Variants in ZNF233 observed in about 807,000 individuals in gnomAD.
ZNF233 encodes the protein zinc finger protein 233.
A neutral mutation model predicts 11.6 loss-of-function variants in ZNF233; 7 were observed. The observed-to-expected ratio is 0.60, with a 90% CI of 0.34 to 1.13. The LOEUF is 1.13. Among genes scored for constraint, ZNF233 ranks in the 50% most tolerant of loss-of-function variants. ZNF233 has a pLI of 0.03. For missense variants in ZNF233, 711 were observed against 785.5 expected (o/e 0.91, Z 1.13); for synonymous variants, 226 against 268.5 (o/e 0.84, Z 1.55).
At chr19:44,268,414 A>G (rs1975151519) in intron 4 of ZNF233, among the ~76,000 whole-genome samples, 1 of 152,088 alleles carries the variant, frequency 6.6e-6, no homozygotes, top group South Asian at 2.1e-4. Flanking sequence ...CAGTGATACA[A>G]TCATAGCTTG....
At chr19:44,261,614 A>G (rs963617148) in intron 1 of ZNF233, among the ~76,000 whole-genome samples, 6 of 151,004 alleles carry the variant, frequency 4.0e-5, no homozygotes, top group African/African-American at 1.5e-4. Context: ...CATTATCCAC[A>G]GTCTATGGAT....
chr19:44,272,779 G>T, intron 4 of ZNF233, 120 bp from the exon 5 acceptor site: 1 of 694,076 alleles, frequency 1.4e-6, no homozygotes, highest in East Asian at 2.7e-5. Flanking sequence ...AAGTCAAGCT[G>T]AACTCTCCAC....
chr19:44,264,357 GAA>G lies in ZNF233; in HGVS notation c.-1_1del. On this transcript the variant is annotated 5_prime_UTR_variant, in exon 2 of 5. Transcript: ENST00000683810. ...CTGCCCTTCCCCAGAAGGAGCAGGA[GAA>G]AATGACCAAGTTTCAGGTGAGTTGA... 6.2e-7 allele frequency: 1 copy of G among 1,613,484 alleles called. No individual in the cohort carries two copies. Among genetic ancestry groups the G allele is most frequent in the Non-Finnish European group, 8.5e-7 (1 of 1,179,810 alleles).
At chr19:44,268,715 A>G (rs577373239) in intron 4 of ZNF233, among the ~76,000 whole-genome samples, 3 of 152,254 alleles carry the variant, frequency 2.0e-5, no homozygotes, top group South Asian at 2.1e-4. Flanking sequence ...ACTTTTGGTG[A>G]GAGTTGCCTC....
Position 44,274,026 on chromosome 19 carries a change from G to C in ZNF233, c.1366G>C (p.Val456Leu). The part of the protein sequence containing the change: ...HTGEKPYKCE[V>L]CDKGFSKASN... ...TGGAGAGAAACCATATAAATGTGAG[G>C]TATGTGATAAGGGCTTCAGTAAGGC... Residue 456 changes from valine (V) to leucine (L), a missense_variant, in exon 5 of 5, where the codon GTA becomes CTA. By Grantham distance (32) the Val-to-Leu change is conservative (BLOSUM62 1). Coordinates refer to ENST00000683810, the MANE Select transcript of ZNF233 (RefSeq NM_001207005.2). 1 of 1,597,788 alleles carries C rather than the reference G, an allele frequency of 6.3e-7. No homozygotes were observed. The highest frequency in any genetic ancestry group is 1.6e-5 in the African/African-American group (1 of 61,208).
intron 4 of ZNF233, among the ~76,000 whole-genome samples, chr19:44,272,623 T>C (rs1975266960): frequency 6.6e-6 from 1 of 151,690 alleles, no homozygotes; most frequent in East Asian, 1.9e-4. Flanking sequence ...TAGTCCCAGC[T>C]ACTCGGGAGG....
chr19:44,274,029 T>C lies in ZNF233; in HGVS notation c.1369T>C (p.Cys457Arg). 6.3e-7 allele frequency: 1 copy of C among 1,597,798 alleles called. No homozygotes were observed. Among genetic ancestry groups the C allele is most frequent in the South Asian group, 1.1e-5 (1 of 91,044 alleles). The change falls in exon 5 of 5, where the codon TGT becomes CGT. Residue 457 changes from cysteine to arginine, a missense_variant. Coordinates refer to ENST00000683810, the MANE Select transcript of ZNF233 (RefSeq NM_001207005.2). The part of the protein sequence containing the change: ...TGEKPYKCEV[C>R]DKGFSKASNL... ...AGAGAAACCATATAAATGTGAGGTA[T>C]GTGATAAGGGCTTCAGTAAGGCCTC... is the stretch of plus-strand genomic sequence containing the variant.
Position 44,273,631 on chromosome 19 carries a change from G to C in ZNF233, c.971G>C (p.Ser324Thr), listed in dbSNP as rs146582374. 6.2e-7 allele frequency: 1 copy of C among 1,614,158 alleles called. No homozygotes were observed. The highest frequency in any genetic ancestry group is 1.3e-5 in the African/African-American group (1 of 75,056). Reference protein sequence around the residue: ...YRNGDSGEGFSQGSHLQPHQR... With the variant: ...YRNGDSGEGFTQGSHLQPHQR... ...AATGGTGACAGTGGTGAGGGCTTCA[G>C]TCAGGGCTCACATCTGCAACCTCAT... Residue 324 changes from serine (S) to threonine (T), a missense_variant, in exon 5 of 5, where the codon AGT (serine) becomes ACT (threonine). By Grantham distance (58) the Ser-to-Thr change is moderately conservative. Transcript: ENST00000683810.
At chr19:44,272,044 G>A (rs1296904850) in intron 4 of ZNF233, among the ~76,000 whole-genome samples, 5 of 150,898 alleles carry the variant, frequency 3.3e-5, no homozygotes, top group Non-Finnish European at 7.4e-5. Flanking sequence ...GGCCAACATG[G>A]TGAAACCCTG....
chr19:44,264,490 C>T lies in ZNF233; in HGVS notation c.15+115C>T. The T allele has an allele frequency of 3.3e-6, 3 of 904,918 alleles. No individual in the cohort carries two copies. In the South Asian group the frequency reaches 5.5e-5, roughly 17 times the overall value. The allele number at this position is 904,918 out of a possible 1,614,324, so 56.1% of individuals were successfully genotyped here. The stretch of plus-strand genomic sequence containing the variant: ...AAGGAGGAAAACAGGTATTTGGAAT[C>T]TGCTAGTTACTTGATTTTCGATTGG... On this transcript the variant is annotated intron_variant, in intron 2 of 4. Transcript: ENST00000683810.
intron 2 of ZNF233, among the ~76,000 whole-genome samples, chr19:44,265,577 T>A (rs1975059985): frequency 1.3e-5 from 2 of 152,070 alleles, no homozygotes; most frequent in Admixed American, 1.3e-4. Context: ...CCTGCCAACA[T>A]ACCCAGCTAA....
chr19:44,265,362 TATATACACACAC>T (rs1322493360), intron 2 of ZNF233, among the ~76,000 whole-genome samples: 312 of 87,644 alleles, frequency 3.6e-3, no homozygotes, highest in Non-Finnish European at 5.9e-3. Flanking sequence ...CCATCATATA[TATATACACACAC>T]ACACACACAC....
intron 1 of ZNF233, among the ~76,000 whole-genome samples, chr19:44,263,238 G>T (rs779051288): frequency 1.3e-5 from 2 of 152,056 alleles, no homozygotes; most frequent in African/African-American, 4.8e-5. Flanking sequence ...CACAATGTTA[G>T]GTTGTACAAC....
In ZNF233 at chr19:44,275,211, A is replaced by C. The variant is rs1168887131; in HGVS notation, c.*538A>C. On this transcript the variant is annotated 3_prime_UTR_variant, in exon 5 of 5. Transcript: ENST00000683810. ...GGACATATATTTGAATATTTTAGTG[A>C]GCTCAGCCCCAATTCGTCATTATAA... The C allele has an allele frequency of 3.8e-5, 12 of 317,070 alleles. No homozygotes were observed. Among genetic ancestry groups the C allele is most frequent in the Non-Finnish European group, 6.2e-5 (11 of 176,386 alleles). 19.6% of individuals were successfully genotyped at this position (317,070 alleles called of 1,614,324 possible). A position where few individuals can be genotyped will look rare whatever the true frequency, so the allele number is the denominator to read the frequency against.
chr19:44,273,712 C>G lies in ZNF233; in HGVS notation c.1052C>G (p.Ser351Cys). Reference sequence around the variant, plus strand: ...AGATGTCAGGTATATGCCCGGAGCTCCAACCAGAACTCCTGTCTTCCCTCT... The same window carrying G: ...AGATGTCAGGTATATGCCCGGAGCTGCAACCAGAACTCCTGTCTTCCCTCT... ...LYRCQVYARS[S>C]NQNSCLPSHE... is the part of the protein sequence containing the mutation. The change falls in exon 5 of 5, where the codon TCC becomes TGC. Residue 351 changes from serine to cysteine, a missense_variant. By Grantham distance (112) the Ser-to-Cys change is moderately radical. Transcript: ENST00000683810. 6.2e-7 allele frequency: 1 copy of G among 1,614,060 alleles called. No homozygotes were observed. Among genetic ancestry groups the G allele is most frequent in the Non-Finnish European group, 8.5e-7 (1 of 1,180,016 alleles).
chr19:44,272,741 C>CA (rs968406086), intron 4 of ZNF233, among the ~76,000 whole-genome samples, 158 bp from the exon 5 acceptor site: 3 of 150,966 alleles, frequency 2.0e-5, no homozygotes, highest in Non-Finnish European at 4.4e-5. Flanking sequence ...TCTCAAAAAA[C>CA]AAAAAAAGAG....
Position 44,274,782 on chromosome 19 carries a change from C to A in ZNF233, c.*109C>A. On this transcript the variant is annotated 3_prime_UTR_variant, in exon 5 of 5. Coordinates refer to ENST00000683810, the MANE Select transcript of ZNF233 (RefSeq NM_001207005.2). ...ACAGCACAGAATATTTATAAAATGT[C>A]ATGTTTTAAGAATTCATGAGCTGAG... 1.1e-6 allele frequency: 1 copy of A among 909,882 alleles called. No individual in the cohort carries two copies. The highest frequency in any genetic ancestry group is 2.4e-5 in the South Asian group (1 of 41,792). 56.4% of individuals were successfully genotyped at this position (909,882 alleles called of 1,614,324 possible). A position where few individuals can be genotyped will look rare whatever the true frequency, so the allele number is the denominator to read the frequency against.
intron 1 of ZNF233, among the ~76,000 whole-genome samples, chr19:44,263,584 T>A (rs1356274078): frequency 6.6e-6 from 1 of 152,228 alleles, no homozygotes; most frequent in Non-Finnish European, 1.5e-5. Flanking sequence ...GAGACTCTCC[T>A]GGCTACATGA....
chr19:44,264,961 T>C (rs1365136749), intron 2 of ZNF233, among the ~76,000 whole-genome samples: 1 of 152,172 alleles, frequency 6.6e-6, no homozygotes, highest in African/African-American at 2.4e-5. Context: ...ACAAAAATTA[T>C]ATATATCTTA....
Sources: gnomAD v4.1 joint callset for allele counts (sites outside exome capture counted in the v4.1 genomes callset) on GRCh38, gnomAD v4.1.1 for gene constraint, MANE v1.5 for transcripts, NCBI Gene and HGNC (gene_info 2026-07-23, HGNC 2026-07-21) for gene names.